Variants in SLAIN2 observed in about 807,000 individuals in gnomAD.
SLAIN2 encodes the protein SLAIN family member 2.
In SLAIN2, 31 loss-of-function variants were observed where a neutral mutation model predicts 56.6. The ratio of observed to expected loss-of-function variants is 0.55; its 90% CI spans 0.41 to 0.74. The LOEUF (loss-of-function observed/expected upper bound fraction) is 0.74, where lower values mean the gene tolerates loss of function less well. SLAIN2 is among the 30% of genes least tolerant of loss of function. The probability of loss-of-function intolerance (pLI) is 0.00; values close to 1 mark genes in which losing one functional copy is unlikely to be tolerated. For synonymous variants in SLAIN2, 317 were observed against 284.9 expected, an observed-to-expected ratio of 1.11 and a Z score of -1.13; for missense variants, 777 against 754.2, an observed-to-expected ratio of 1.03 and a Z score of -0.35.
At chr4:48,419,953 A>G (rs900892537) in intron 6 of SLAIN2, among the ~76,000 whole-genome samples, 172 bp from the exon 7 acceptor site, 5 of 152,154 alleles carry the variant, frequency 3.3e-5, no homozygotes, top group South Asian at 2.1e-4. Flanking sequence ...TTTAGAACTC[A>G]CAGTTACTTT....
chr4:48,376,456 GAA>G (rs143849551), intron 2 of SLAIN2, among the ~76,000 whole-genome samples: 40,137 of 127,198 alleles, frequency 0.32, 5,765 homozygotes, highest in South Asian at 0.47. Context: ...TTGTCTCAGA[GAA>G]AAAAAAAAAA....
chr4:48,401,284 A>G (rs1206465564), intron 6 of SLAIN2, among the ~76,000 whole-genome samples: 3 of 152,318 alleles, frequency 2.0e-5, no homozygotes, highest in South Asian at 2.1e-4. Context: ...GTAGACATCT[A>G]TCAGGTCCAC....
At chr4:48,344,017 A>C (rs1714796439) in intron 1 of SLAIN2, among the ~76,000 whole-genome samples, 1 of 152,206 alleles carries the variant, frequency 6.6e-6, no homozygotes, top group Admixed American at 6.5e-5. Context: ...ATTATGTATT[A>C]TTAGAACACA....
Position 48,361,888 on chromosome 4 carries a change from T to C in SLAIN2, c.390-7961T>C, listed in dbSNP as rs573700891. Among the ~76,000 whole-genome samples, 6 of 152,344 alleles carry C rather than the reference T, an allele frequency of 3.9e-5. No individual in the cohort carries two copies. In the South Asian group the frequency reaches 1.0e-3, roughly 26 times the overall value. On this transcript the variant is annotated intron_variant, in intron 1 of 7. Transcript: ENST00000264313. ...CAGTGTACATCTTGCATTTCATGTG[T>C]TAAATTTATTCCTGAGTATTTTATT...
intron 6 of SLAIN2, among the ~76,000 whole-genome samples, chr4:48,401,242 G>A (rs1056475044): frequency 4.2e-4 from 64 of 152,144 alleles, no homozygotes; most frequent in African/African-American, 1.3e-3. Flanking sequence ...TCAGAAGAAC[G>A]TATATTCTGT....
chr4:48,382,754 C>G lies in SLAIN2; in HGVS notation c.1049C>G (p.Pro350Arg), dbSNP rs1423804688. 2 of 1,613,596 alleles carry G rather than the reference C, an allele frequency of 1.2e-6. No individual in the cohort carries two copies. Among genetic ancestry groups the G allele is most frequent in the East Asian group, 4.5e-5 (2 of 44,854 alleles). ...NRFSPSPRNS[P>R]RPSPKQSPRN... Reference sequence around the variant, plus strand: ...TTTTCACCATCACCACGCAATTCACCTCGACCGTCACCTAAGCAGTCACCC... The same window carrying G: ...TTTTCACCATCACCACGCAATTCACGTCGACCGTCACCTAAGCAGTCACCC... The change falls in exon 5 of 8, where the codon CCT (proline) becomes CGT (arginine). Residue 350 changes from proline to arginine, a missense_variant. Coordinates refer to ENST00000264313, the MANE Select transcript of SLAIN2 (RefSeq NM_020846.2).
At chr4:48,393,385 C>CGCG (rs1560460974) in intron 6 of SLAIN2, among the ~76,000 whole-genome samples, 2 of 49,566 alleles carry the variant, frequency 4.0e-5, no homozygotes, top group African/African-American at 2.3e-4. Context: ...CCATGTCTGG[C>CGCG]TTGTGTGTGT....
chr4:48,386,769 G>A (rs1209050115), intron 6 of SLAIN2, among the ~76,000 whole-genome samples: 3 of 152,194 alleles, frequency 2.0e-5, no homozygotes, highest in South Asian at 2.1e-4. Flanking sequence ...CTTTGAAATC[G>A]TGAGTGATAC....
intron 1 of SLAIN2, among the ~76,000 whole-genome samples, chr4:48,361,129 G>A (rs1268962418): frequency 6.6e-6 from 1 of 152,144 alleles, no homozygotes; most frequent in African/African-American, 2.4e-5. Context: ...TGTACATAGT[G>A]GAGACACTTA....
rs1486800502 is a variant in SLAIN2, at chr4:48,422,612, A to C, written c.*535A>C. Reference sequence around the variant, plus strand: ...GAGATTAGGGGGTGGGAGGAAAGAAACCTGGGCTAGAGATTAAAACATTCC... The same window carrying C: ...GAGATTAGGGGGTGGGAGGAAAGAACCCTGGGCTAGAGATTAAAACATTCC... On this transcript the variant is annotated 3_prime_UTR_variant, in exon 8 of 8. Coordinates refer to ENST00000264313, the MANE Select transcript of SLAIN2 (RefSeq NM_020846.2). The C allele has an allele frequency of 6.6e-6, 1 of 152,276 alleles. No homozygotes were observed. The highest frequency in any genetic ancestry group is 1.5e-5 in the Non-Finnish European group (1 of 68,078). 9.4% of individuals were successfully genotyped at this position (152,276 alleles called of 1,614,324 possible). A position where few individuals can be genotyped will look rare whatever the true frequency, so the allele number is the denominator to read the frequency against.
chr4:48,353,239 A>G (rs1715059371), intron 1 of SLAIN2, among the ~76,000 whole-genome samples: 1 of 152,218 alleles, frequency 6.6e-6, no homozygotes, highest in South Asian at 2.1e-4. Flanking sequence ...CACTAACCAG[A>G]TGAGATGTCA....
rs1315963832 is a variant in SLAIN2 at position 48,341,890 on chromosome 4, C to T, written c.151C>T (p.Arg51Trp). The stretch of plus-strand genomic sequence containing the variant: ...CTCCCTTGGGCCCGGCAGCCCGGTT[C>T]GGGCCGGCGCGTCCATTCCCTCCTC... ...AGSLGPGSPV[R>W]AGASIPSSGA... Residue 51 changes from arginine to tryptophan, a missense_variant, in exon 1 of 8, where the codon CGG (arginine) becomes TGG (tryptophan). Arg to Trp is a moderately radical substitution (Grantham distance 101). Coordinates refer to ENST00000264313, the MANE Select transcript of SLAIN2 (RefSeq NM_020846.2). 2.4e-5 allele frequency: 36 copies of T among 1,512,762 alleles called. No individual in the cohort carries two copies. Among genetic ancestry groups the T allele is most frequent in the Non-Finnish European group, 3.1e-5 (35 of 1,131,654 alleles). 93.7% of individuals were successfully genotyped at this position (1,512,762 alleles called of 1,614,324 possible). A position where few individuals can be genotyped will look rare whatever the true frequency, so the allele number is the denominator to read the frequency against.
chr4:48,393,377 A>G (rs550171944), intron 6 of SLAIN2, among the ~76,000 whole-genome samples: 3 of 107,414 alleles, frequency 2.8e-5, no homozygotes, highest in South Asian at 3.4e-4. Flanking sequence ...ACACACCACC[A>G]TGTCTGGCTT....
intron 6 of SLAIN2, among the ~76,000 whole-genome samples, chr4:48,393,143 C>G (rs1478087875): frequency 2.6e-5 from 4 of 151,846 alleles, no homozygotes. Flanking sequence ...GATGCCAAGG[C>G]GGGCAGATCA....
At chr4:48,418,099 C>T (rs1717045740) in intron 6 of SLAIN2, among the ~76,000 whole-genome samples, 1 of 151,004 alleles carries the variant, frequency 6.6e-6, no homozygotes, top group Non-Finnish European at 1.5e-5. Context: ...CTTCCTCTTC[C>T]TCCTCTTCCT....
rs372949257 is a variant in SLAIN2 at position 48,381,348 on chromosome 4, C to A, written c.863-1220C>A. Among the ~76,000 whole-genome samples, 25 of 151,542 alleles carry A rather than the reference C, an allele frequency of 1.6e-4. 1 individual carries two copies. The South Asian group carries it at 4.6e-3, about 28-fold the overall frequency. ...AAATATATGTGATACTTCTTGAAAA[C>A]TACAGCTTTTTTTTTGTCTTAGAGA... On this transcript the variant is annotated intron_variant, in intron 4 of 7. Transcript: ENST00000264313.
chr4:48,382,705 G>A lies in SLAIN2; in HGVS notation c.1000G>A (p.Ala334Thr). The A allele has an allele frequency of 6.2e-7, 1 of 1,613,722 alleles. No individual in the cohort carries two copies. Residue 334 changes from alanine (A) to threonine (T), a missense_variant, in exon 5 of 8, where the codon GCA becomes ACA. Physicochemically the swap from Ala to Thr is moderately conservative, Grantham distance 58. Transcript: ENST00000264313. ...LDDEDDNMHH[A>T]VYPAVNRFSP... ...TGATGAAGATGACAATATGCATCAT[G>A]CAGTATACCCTGCTGTTAACAGGTT...
At chr4:48,399,068 T>C (rs1716482206) in intron 6 of SLAIN2, among the ~76,000 whole-genome samples, 3 of 152,194 alleles carry the variant, frequency 2.0e-5, no homozygotes, top group Admixed American at 2.0e-4. Context: ...TAGCATTGAA[T>C]CCATAAATTA....
intron 6 of SLAIN2, among the ~76,000 whole-genome samples, chr4:48,391,008 G>A (rs1716224602): frequency 6.6e-6 from 1 of 152,026 alleles, no homozygotes; most frequent in South Asian, 2.1e-4. Flanking sequence ...TACTTTCCTT[G>A]CCTTTGTTTT....
Sources: gnomAD v4.1 joint callset for allele counts (sites outside exome capture counted in the v4.1 genomes callset) on GRCh38, gnomAD v4.1.1 for gene constraint, MANE v1.5 for transcripts, NCBI Gene and HGNC (gene_info 2026-07-23, HGNC 2026-07-21) for gene names.